The following P2RX3 variants were observed in gnomAD, a reference collection of about 807,000 sequenced individuals.
P2RX3 encodes purinergic receptor P2X 3.
In P2RX3, 41 loss-of-function variants were observed where a neutral mutation model predicts 51.5. That is an observed-to-expected ratio of 0.80 (90% CI 0.62 to 1.03). P2RX3 has a LOEUF of 1.03. Ranked by LOEUF, P2RX3 falls within the 50% of genes least tolerant of loss-of-function variation. The probability of loss-of-function intolerance (pLI) is 0.00; values close to 1 mark genes in which losing one functional copy is unlikely to be tolerated. For missense variants in P2RX3, 459 were observed against 522.1 expected (o/e 0.88, Z 1.18); for synonymous variants, 185 against 191.6 (o/e 0.97, Z 0.29).
In P2RX3 at chr11:57,367,989, T is replaced by C. The variant is rs1446278097; in HGVS notation, c.843-20T>C. On this transcript the variant is annotated intron_variant, in intron 8 of 11. Transcript: ENST00000263314. ...AGACAGGATCCCACAGAGGGACCCA[T>C]CTCTGCCTCTGACCTCCAGGTTTGC... 6.2e-7 allele frequency: 1 copy of C among 1,602,114 alleles called. No individual in the cohort carries two copies. The highest frequency in any genetic ancestry group is 8.6e-7 in the Non-Finnish European group (1 of 1,169,020).
At chr11:57,369,309 C>T in intron 10 of P2RX3, 52 bp from the exon 11 acceptor site, 3 of 1,546,306 alleles carry the variant, frequency 1.9e-6, no homozygotes, top group Non-Finnish European at 2.7e-6. Context: ...CCACCCTGAT[C>T]CCACCCAACC....
rs1424076113 is a variant in P2RX3 at position 57,348,762 on chromosome 11, TG to T, written c.563+59del. On this transcript the variant is annotated intron_variant, in intron 6 of 11. Coordinates refer to ENST00000263314, the MANE Select transcript of P2RX3 (RefSeq NM_002559.5). ...GCAGGCACCCCCGGCCCTGCCAACC[TG>T]TTTTCAGGGAAGTGGAGATGCCCCC... 7 of 1,321,558 alleles carry T rather than the reference TG, an allele frequency of 5.3e-6. No individual in the cohort carries two copies. In the African/African-American group the frequency reaches 1.0e-4, roughly 19 times the overall value. 81.9% of individuals were successfully genotyped at this position (1,321,558 alleles called of 1,614,324 possible). A position where few individuals can be genotyped will look rare whatever the true frequency, so the allele number is the denominator to read the frequency against.
rs1304922780 is a variant in P2RX3 at position 57,369,998 on chromosome 11, G to A, written c.*1G>A. 1.0e-5 allele frequency: 16 copies of A among 1,606,518 alleles called. No individual in the cohort carries two copies. The highest frequency in any genetic ancestry group is 1.4e-5 in the Non-Finnish European group (16 of 1,173,734). ...GGGGGCCTTCTCCATAGGCCACTAG[G>A]GCCTCTTTCCAGGGCCCCACACTCA... is the stretch of plus-strand genomic sequence containing the variant. On this transcript the variant is annotated 3_prime_UTR_variant, in exon 12 of 12. Transcript: ENST00000263314.
At chr11:57,353,256 CA>C (rs975431191) in intron 8 of P2RX3, among the ~76,000 whole-genome samples, 1 of 152,190 alleles carries the variant, frequency 6.6e-6, no homozygotes, top group African/African-American at 2.4e-5. Flanking sequence ...AGCTACTTAT[CA>C]GTAGAAACCA....
chr11:57,349,967 C>T (rs1290277875), intron 7 of P2RX3, 69 bp downstream of exon 7: 2 of 1,593,036 alleles, frequency 1.3e-6, no homozygotes, highest in Non-Finnish European at 1.7e-6. Flanking sequence ...ATTTCAGGGC[C>T]CTTTGGCCGG....
chr11:57,354,103 G>C (rs1422118698), intron 8 of P2RX3, among the ~76,000 whole-genome samples: 2 of 152,126 alleles, frequency 1.3e-5, no homozygotes, highest in African/African-American at 4.8e-5. Flanking sequence ...GACACTGGGG[G>C]ATATCTGATC....
rs774835798 is a variant in P2RX3 at position 57,371,529 on chromosome 11, C to T, written c.*1532C>T. Among the ~76,000 whole-genome samples the T allele has an allele frequency of 6.6e-6, 1 of 152,192 alleles. No homozygotes were observed. Among genetic ancestry groups the T allele is most frequent in the African/African-American group, 2.4e-5 (1 of 41,454 alleles). ...GGAAGGGACAGCTTCAGGAGTAGTT[C>T]AGGAGGCTCAAATGGTGGGTACTTG... On this transcript the variant is annotated 3_prime_UTR_variant, in exon 12 of 12. Coordinates refer to ENST00000263314, the MANE Select transcript of P2RX3 (RefSeq NM_002559.5).
At chr11:57,346,817 A>C in intron 2 of P2RX3, 138 bp downstream of exon 2, 2 of 1,270,888 alleles carry the variant, frequency 1.6e-6, no homozygotes, top group East Asian at 2.5e-5. Context: ...CCTCTCCCCC[A>C]GCAGCTGAGA....
At position 57,357,999 on chromosome 11, in the gene P2RX3, AAC is replaced by A. The variant is rs1387397430; in HGVS notation, c.842+7103_842+7104del. On this transcript the variant is annotated intron_variant, in intron 8 of 11. Transcript: ENST00000263314. Reference sequence around the variant, plus strand: ...TTGTTGCTGTTTTTCCTGCTGCTGTAACAGTTACGTGTCCCTGCTTTAAGAAG... The same window carrying A: ...TTGTTGCTGTTTTTCCTGCTGCTGTAAGTTACGTGTCCCTGCTTTAAGAAG... 3.3e-5 allele frequency among the ~76,000 whole-genome samples: 5 copies of A among 152,304 alleles called. No homozygotes were observed. In the East Asian group the frequency reaches 9.6e-4, roughly 29 times the overall value.
chr11:57,347,629 T>A, intron 4 of P2RX3, 151 bp downstream of exon 4: 1 of 869,578 alleles, frequency 1.1e-6, no homozygotes, highest in Non-Finnish European at 1.8e-6. Flanking sequence ...ACCCAGTGGG[T>A]GCTACAAAGG....
At chr11:57,351,047 T>A in intron 8 of P2RX3, 149 bp downstream of exon 8, 1 of 1,139,008 alleles carries the variant, frequency 8.8e-7, no homozygotes, top group Non-Finnish European at 1.2e-6. Flanking sequence ...AAGGACTCTC[T>A]AACAGCCATT....
chr11:57,345,525 C>G (rs1397760238), intron 1 of P2RX3, among the ~76,000 whole-genome samples: 2 of 152,126 alleles, frequency 1.3e-5, no homozygotes, highest in African/African-American at 2.4e-5. Context: ...GCATCTACCT[C>G]CCAGTGTGCC....
At chr11:57,349,997 C>G in intron 7 of P2RX3, 99 bp downstream of exon 7, 4 of 1,515,314 alleles carry the variant, frequency 2.6e-6, no homozygotes, top group Non-Finnish European at 3.6e-6. Context: ...GGAGCCGCCG[C>G]GAGACAGCGC....
chr11:57,360,665 C>T (rs1856701632), intron 8 of P2RX3, among the ~76,000 whole-genome samples: 1 of 151,612 alleles, frequency 6.6e-6, no homozygotes, highest in African/African-American at 2.4e-5. Flanking sequence ...CATGGTGGTG[C>T]ACACCTGTAA....
intron 1 of P2RX3, among the ~76,000 whole-genome samples, chr11:57,338,915 G>A (rs35284031): frequency 0.033 from 4,956 of 152,252 alleles, 103 homozygotes; most frequent in Non-Finnish European, 0.045. Context: ...ACACACGCTC[G>A]GAGTAGTAGG....
intron 8 of P2RX3, among the ~76,000 whole-genome samples, chr11:57,364,096 T>A (rs74628114): frequency 1.3e-5 from 2 of 152,150 alleles, no homozygotes; most frequent in Admixed American, 1.3e-4. Context: ...TTTTCATGGT[T>A]GCAGCCTTTG....
intron 1 of P2RX3, among the ~76,000 whole-genome samples, chr11:57,339,149 C>A (rs1230323877): frequency 6.6e-6 from 1 of 152,016 alleles, no homozygotes; most frequent in African/African-American, 2.4e-5. Flanking sequence ...AGTTGGTGGC[C>A]GGGAGGGAAA....
intron 1 of P2RX3, among the ~76,000 whole-genome samples, chr11:57,339,499 C>G (rs1011929193): frequency 1.9e-4 from 29 of 150,258 alleles, no homozygotes; most frequent in African/African-American, 7.2e-4. Context: ...TCAGCCCCCA[C>G]CGCCTGCAAG....
chr11:57,359,011 G>A (rs1356287664), intron 8 of P2RX3, among the ~76,000 whole-genome samples: 1 of 152,142 alleles, frequency 6.6e-6, no homozygotes, highest in African/African-American at 2.4e-5. Flanking sequence ...TGAAGGCCCC[G>A]GAGGCAAAGC....
Sources: gnomAD v4.1 joint callset for allele counts (sites outside exome capture counted in the v4.1 genomes callset) on GRCh38, gnomAD v4.1.1 for gene constraint, MANE v1.5 for transcripts, NCBI Gene and HGNC (gene_info 2026-07-23, HGNC 2026-07-21) for gene names.